The following PARN variants were observed in gnomAD, a reference collection of about 807,000 sequenced individuals.
The protein encoded by PARN is poly(A)-specific ribonuclease PARN.
PARN carries 71 observed loss-of-function variants against 102.8 expected under a neutral mutation model. That is an observed-to-expected ratio of 0.69 (90% CI 0.57 to 0.84). PARN has a LOEUF of 0.84. PARN is among the 40% of genes least tolerant of loss of function. The probability of loss-of-function intolerance (pLI) is 0.00; values close to 1 mark genes in which losing one functional copy is unlikely to be tolerated. For synonymous variants in PARN, 261 were observed against 252.9 expected (o/e 1.03, Z -0.30); for missense variants, 782 against 760.9 (o/e 1.03, Z -0.33).
chr16:14,439,300 A>T (rs573853949), intron 23 of PARN, among the ~76,000 whole-genome samples: 1 of 150,252 alleles, frequency 6.7e-6, no homozygotes, highest in Admixed American at 6.7e-5. Context: ...TGAGCCCAGG[A>T]TATCAAGGCT....
intron 21 of PARN, among the ~76,000 whole-genome samples, chr16:14,545,165 G>C (rs1419023753): frequency 6.6e-6 from 1 of 152,206 alleles, no homozygotes; most frequent in African/African-American, 2.4e-5. Flanking sequence ...GGGTGACAGA[G>C]CCAGACTCTG....
intron 12 of PARN, among the ~76,000 whole-genome samples, chr16:14,595,215 G>T (rs2093645223): frequency 6.6e-6 from 1 of 152,134 alleles, no homozygotes; most frequent in South Asian, 2.1e-4. Context: ...CATAATGGAA[G>T]TAATAGAAAC....
At position 14,628,215 on chromosome 16, in the gene PARN, T is replaced by C. The variant is rs1972798299; in HGVS notation, c.134A>G (p.Asn45Ser). The C allele has an allele frequency of 6.2e-7, 1 of 1,607,628 alleles. No individual in the cohort carries two copies. The highest frequency in any genetic ancestry group is 8.5e-7 in the Non-Finnish European group (1 of 1,174,666). Reference protein sequence around the residue: ...SDGPSVSALTNGFDTPEERYQ... With the variant: ...SDGPSVSALTSGFDTPEERYQ... Reference sequence around the variant, plus strand: ...CCTCTCTTCTGGAGTGTCAAAACCATTTGTTAATGCAGAGACTGAAGGTCC... The same window carrying C: ...CCTCTCTTCTGGAGTGTCAAAACCACTTGTTAATGCAGAGACTGAAGGTCC... Residue 45 changes from asparagine to serine, a missense_variant, in exon 3 of 24, where the codon AAT becomes AGT. Transcript: ENST00000437198.
At chr16:14,570,338 AAAAAAAAAAAGAAAAG>A (rs1968718527) in intron 18 of PARN, among the ~76,000 whole-genome samples, 1 of 150,448 alleles carries the variant, frequency 6.6e-6, no homozygotes, top group Non-Finnish European at 1.5e-5. Context: ...AAAAAAAAAA[AAAAAAAAAAAGAAAAG>A]AAAAAGGAAA....
chr16:14,520,122 G>A (rs145668853), intron 21 of PARN, among the ~76,000 whole-genome samples: 30 of 152,310 alleles, frequency 2.0e-4, no homozygotes, highest in Middle Eastern at 3.4e-3. Context: ...AACAACATGA[G>A]AGGTGGGGAG....
Position 14,590,506 on chromosome 16 carries a change from G to A in PARN, c.918+2795C>T, listed in dbSNP as rs570108596. Among the ~76,000 whole-genome samples the A allele has an allele frequency of 4.6e-5, 7 of 151,524 alleles. No individual in the cohort carries two copies. The East Asian group carries it at 9.8e-4, about 21-fold the overall frequency. On this transcript the variant is annotated intron_variant, in intron 13 of 23. Coordinates refer to ENST00000437198, the MANE Select transcript of PARN (RefSeq NM_002582.4). ...AAAAATTACCCGGGCATGGTAGCAG[G>A]CATCTGTAATCCCAGCTCCTCAGCA...
chr16:14,604,894 G>A (rs1384389688), intron 10 of PARN, among the ~76,000 whole-genome samples: 2 of 151,958 alleles, frequency 1.3e-5, no homozygotes, highest in East Asian at 3.9e-4. Context: ...GGGATTACAG[G>A]CATGAGCCAC....
intron 22 of PARN, among the ~76,000 whole-genome samples, chr16:14,448,633 C>T (rs930467861): frequency 2.6e-5 from 4 of 152,200 alleles, no homozygotes; most frequent in Non-Finnish European, 5.9e-5. Flanking sequence ...ACTCTGGCTA[C>T]CTAAATATTC....
At chr16:14,598,245 G>A (rs902316053) in intron 12 of PARN, among the ~76,000 whole-genome samples, 1 of 151,966 alleles carries the variant, frequency 6.6e-6, no homozygotes, top group Non-Finnish European at 1.5e-5. Flanking sequence ...TGTCCGGATC[G>A]CTAATAAACA....
At chr16:14,536,757 A>T (rs934710959) in intron 21 of PARN, among the ~76,000 whole-genome samples, 1 of 152,224 alleles carries the variant, frequency 6.6e-6, no homozygotes, top group African/African-American at 2.4e-5. Flanking sequence ...ATGATTAATT[A>T]AAAAAGCAGA....
intron 21 of PARN, among the ~76,000 whole-genome samples, chr16:14,533,937 A>G (rs1318823596): frequency 1.3e-5 from 2 of 152,156 alleles, no homozygotes; most frequent in African/African-American, 2.4e-5. Context: ...AAAGGCAAAT[A>G]TTGGCCAAGC....
At chr16:14,580,121 G>A (rs947816295) in intron 18 of PARN, among the ~76,000 whole-genome samples, 9 of 152,026 alleles carry the variant, frequency 5.9e-5, no homozygotes, top group Admixed American at 2.0e-4. Context: ...ACAGGCGCCC[G>A]CCACCGTGCC....
At chr16:14,441,077 T>G (rs1960919433) in intron 23 of PARN, among the ~76,000 whole-genome samples, 1 of 152,082 alleles carries the variant, frequency 6.6e-6, no homozygotes, top group South Asian at 2.1e-4. Context: ...CCAACAAAAT[T>G]TTAATATGAA....
intron 21 of PARN, among the ~76,000 whole-genome samples, chr16:14,506,935 TAATC>T (rs1964925701): frequency 1.3e-5 from 2 of 151,836 alleles, no homozygotes; most frequent in South Asian, 4.2e-4. Flanking sequence ...CTCTCAGTAG[TAATC>T]AAAGAAATGC....
At chr16:14,602,735 T>C (rs997178313) in intron 11 of PARN, among the ~76,000 whole-genome samples, 5 of 152,034 alleles carry the variant, frequency 3.3e-5, no homozygotes, top group Non-Finnish European at 7.4e-5. Flanking sequence ...CCCACCCCCT[T>C]CCCTGTCACT....
At chr16:14,455,912 C>T (rs1019391451) in intron 22 of PARN, among the ~76,000 whole-genome samples, 2 of 152,148 alleles carry the variant, frequency 1.3e-5, no homozygotes, top group African/African-American at 4.8e-5. Flanking sequence ...CTAGTAATGC[C>T]CATGTTGGCT....
chr16:14,510,462 C>T (rs1356927699), intron 21 of PARN, among the ~76,000 whole-genome samples: 1 of 151,976 alleles, frequency 6.6e-6, no homozygotes, highest in Non-Finnish European at 1.5e-5. Context: ...AATTAAGTGC[C>T]TACACTGAAC....
intron 6 of PARN, among the ~76,000 whole-genome samples, chr16:14,616,014 G>A (rs1417484805): frequency 2.0e-5 from 3 of 151,620 alleles, no homozygotes; most frequent in African/African-American, 4.8e-5. Flanking sequence ...TTTGAGAAAA[G>A]TTCAGTTATT....
chr16:14,452,774 A>C (rs767675200), intron 22 of PARN, among the ~76,000 whole-genome samples: 9 of 152,242 alleles, frequency 5.9e-5, no homozygotes, highest in Non-Finnish European at 1.3e-4. Context: ...ATTTCATATA[A>C]TGTTTCTGTA....
Sources: allele counts gnomAD v4.1 joint callset (sites outside exome capture counted in the v4.1 genomes callset), GRCh38; gene constraint gnomAD v4.1.1; transcripts MANE v1.5; gene names NCBI Gene and HGNC (gene_info 2026-07-23, HGNC 2026-07-21).